HSD17B2: variants seen among roughly 807,000 people sequenced by gnomAD.
HSD17B2 encodes the protein 17-beta-hydroxysteroid dehydrogenase type 2.
Under a neutral mutation model 26.9 loss-of-function variants are expected in HSD17B2, and 32 were observed. The ratio of observed to expected loss-of-function variants is 1.19; its 90% CI spans 0.90 to 1.60. The LOEUF (loss-of-function observed/expected upper bound fraction) is 1.60. Ranked by LOEUF, HSD17B2 falls within the 40% of genes most tolerant of loss-of-function variation. The pLI is 0.00. For missense variants in HSD17B2, 613 were observed against 468.6 expected, an observed-to-expected ratio of 1.31 and a Z score of -2.85; for synonymous variants, 246 against 186.7, an observed-to-expected ratio of 1.32 and a Z score of -2.59.
intron 1 of HSD17B2, among the ~76,000 whole-genome samples, chr16:82,052,032 A>T (rs1892097409): frequency 6.6e-6 from 1 of 152,258 alleles, no homozygotes. Flanking sequence ...TCAGTGCCTT[A>T]TACAGAGCCA....
chr16:82,097,282 G>GTATATATATATACACATATA, intron 4 of HSD17B2: 1 of 103,938 alleles, frequency 9.6e-6, no homozygotes, highest in Non-Finnish European at 2.4e-5. Flanking sequence ...GTGTGTATGT[G>GTATATATATATACACATATA]TGTGTGTGTG....
At chr16:82,086,077 TA>T (rs1210897983) in intron 3 of HSD17B2, among the ~76,000 whole-genome samples, 4 of 152,194 alleles carry the variant, frequency 2.6e-5, no homozygotes, top group Non-Finnish European at 5.9e-5. Flanking sequence ...AGTTCCCCAG[TA>T]AGTTAAACTT....
intron 1 of HSD17B2, among the ~76,000 whole-genome samples, chr16:82,047,719 G>C (rs8191076): frequency 1.3e-5 from 2 of 152,190 alleles, no homozygotes; most frequent in Non-Finnish European, 1.5e-5. Flanking sequence ...AAGAAAAGGA[G>C]AGACCCACTG....
rs567991451 is a variant in HSD17B2, at chr16:82,049,007, C to G, written c.265+13318C>G. On this transcript the variant is annotated intron_variant, in intron 1 of 4. Coordinates refer to ENST00000199936, the MANE Select transcript of HSD17B2 (RefSeq NM_002153.3). ...ATTATGATGAAAATAATCCTGGCTA[C>G]TTTCTGGGCTGGAACAGGTAGTCCC... 7.2e-5 allele frequency among the ~76,000 whole-genome samples: 11 copies of G among 152,294 alleles called. No individual in the cohort carries two copies. In the South Asian group the frequency reaches 2.3e-3, roughly 32 times the overall value.
intron 4 of HSD17B2, chr16:82,091,609 T>G (rs2142367287): frequency 6.3e-6 from 1 of 158,714 alleles, no homozygotes; most frequent in East Asian, 1.9e-4. Context: ...TCTGGCAAGG[T>G]TGAGCCTTCT....
intron 1 of HSD17B2, among the ~76,000 whole-genome samples, chr16:82,039,857 G>C (rs749819458): frequency 6.6e-6 from 1 of 152,144 alleles, no homozygotes; most frequent in Non-Finnish European, 1.5e-5. Flanking sequence ...CCCAACTGTG[G>C]CTGTGTGATG....
chr16:82,048,984 T>C (rs1914023020), intron 1 of HSD17B2, among the ~76,000 whole-genome samples: 1 of 152,164 alleles, frequency 6.6e-6, no homozygotes, highest in African/African-American at 2.4e-5. Flanking sequence ...GAGAACGCAT[T>C]ATGATGAAAA....
chr16:82,069,035 G>T (rs1914637474), intron 2 of HSD17B2, among the ~76,000 whole-genome samples: 1 of 152,160 alleles, frequency 6.6e-6, no homozygotes, highest in African/African-American at 2.4e-5. Flanking sequence ...CTGAGCCCAG[G>T]ATTCATTAGC....
intron 1 of HSD17B2, among the ~76,000 whole-genome samples, chr16:82,067,741 C>T (rs575198467): frequency 2.6e-5 from 4 of 152,278 alleles, no homozygotes; most frequent in African/African-American, 7.2e-5. Flanking sequence ...AAGGCAAAAC[C>T]GAGTCCAAAG....
rs201400632 is a variant in HSD17B2, at chr16:82,071,127, G to A, written c.664G>A (p.Gly222Arg). ...GRLVNVSSMG[G>R]GAPMERLASY... ...GCTGGTGAATGTCAGCAGCATGGGA[G>A]GTGAGTCAGCATTTTCACACATGGT... The change falls in exon 3 of 5, where the codon GGA becomes AGA. Residue 222 changes from glycine to arginine, a missense_variant and splice_region_variant. Coordinates refer to ENST00000199936, the MANE Select transcript of HSD17B2 (RefSeq NM_002153.3). 3.1e-6 allele frequency: 5 copies of A among 1,614,036 alleles called. No individual in the cohort carries two copies. The East Asian group carries it at 1.1e-4, about 36-fold the overall frequency.
chr16:82,071,348 G>C, intron 3 of HSD17B2: 1 of 599,254 alleles, frequency 1.7e-6, no homozygotes, highest in Non-Finnish European at 3.0e-6. Flanking sequence ...TCATCCATTT[G>C]TTACTGGGGA....
chr16:82,082,075 C>G (rs750792896), intron 3 of HSD17B2, among the ~76,000 whole-genome samples: 46 of 152,170 alleles, frequency 3.0e-4, no homozygotes, highest in Admixed American at 6.5e-4. Context: ...TTTCCCTGAG[C>G]TCCTTCAAAA....
In HSD17B2 at chr16:82,090,913, A is replaced by T; in HGVS notation, c.676A>T (p.Met226Leu). Reference protein sequence around the residue: ...NVSSMGGGAPMERLASYGSSK... With the variant: ...NVSSMGGGAPLERLASYGSSK... ...CATTATTCCCATAGGAGGGGCCCCA[A>T]TGGAAAGGCTGGCATCTTATGGCTC... The change falls in exon 4 of 5, where the codon ATG becomes TTG. Residue 226 changes from methionine to leucine, a missense_variant. Met to Leu is a conservative substitution (Grantham distance 15). Transcript: ENST00000199936. 1 of 1,611,554 alleles carries T rather than the reference A, an allele frequency of 6.2e-7. No homozygotes were observed. The highest frequency in any genetic ancestry group is 8.5e-7 in the Non-Finnish European group (1 of 1,178,934).
At chr16:82,074,019 A>T (rs1439095545) in intron 3 of HSD17B2, among the ~76,000 whole-genome samples, 1 of 152,204 alleles carries the variant, frequency 6.6e-6, no homozygotes, top group Non-Finnish European at 1.5e-5. Context: ...GGTCAATGGA[A>T]CAGAACAGAG....
chr16:82,097,137 T>G (rs1904862533), intron 4 of HSD17B2: 1 of 151,964 alleles, frequency 6.6e-6, no homozygotes, highest in South Asian at 2.1e-4. Flanking sequence ...CGAGGGGTCC[T>G]CCCACTTCAG....
chr16:82,043,406 CGGGCGCGG>C (rs1913821464), intron 1 of HSD17B2, among the ~76,000 whole-genome samples: 1 of 144,930 alleles, frequency 6.9e-6, no homozygotes, highest in Non-Finnish European at 1.5e-5. Context: ...TATAGATGGC[CGGGCGCGG>C]TGGCTCATGC....
chr16:82,048,749 G>A (rs1481613499), intron 1 of HSD17B2, among the ~76,000 whole-genome samples: 1 of 152,212 alleles, frequency 6.6e-6, no homozygotes, highest in Non-Finnish European at 1.5e-5. Context: ...GGTTAGAAAG[G>A]CAATTTACTT....
chr16:82,070,047 C>G (rs1036870378), intron 2 of HSD17B2, among the ~76,000 whole-genome samples: 17 of 152,222 alleles, frequency 1.1e-4, no homozygotes, highest in African/African-American at 3.9e-4. Flanking sequence ...TATTGCCAAC[C>G]TAATCCTTCT....
In HSD17B2 at chr16:82,074,634, T is replaced by C. The variant is rs555480151; in HGVS notation, c.664+3507T>C. On this transcript the variant is annotated intron_variant, in intron 3 of 4. Transcript: ENST00000199936. ...CATTATATAGTCATAAAGGTGTTCA[T>C]TCAGCATGAGGATATAACCATTGTA... Among the ~76,000 whole-genome samples the C allele has an allele frequency of 9.2e-5, 14 of 152,302 alleles. No homozygotes were observed. The South Asian group carries it at 2.7e-3, about 29-fold the overall frequency.
Sources: gnomAD v4.1 joint callset for allele counts (sites outside exome capture counted in the v4.1 genomes callset) on GRCh38, gnomAD v4.1.1 for gene constraint, MANE v1.5 for transcripts, NCBI Gene and HGNC (gene_info 2026-07-23, HGNC 2026-07-21) for gene names.